The following MYO16 variants were observed in gnomAD, a reference collection of about 807,000 sequenced individuals.
The protein encoded by MYO16 is myosin XVI, also known as unconventional myosin-XVI.
MYO16 carries 94 observed loss-of-function variants against 205.3 expected under a neutral mutation model. The ratio of observed to expected loss-of-function variants is 0.46; its 90% CI spans 0.39 to 0.54. MYO16 has a LOEUF of 0.54. MYO16 is among the 20% of genes least tolerant of loss of function. The probability of loss-of-function intolerance (pLI) is 0.00; values close to 1 mark genes in which losing one functional copy is unlikely to be tolerated. For synonymous variants in MYO16, 988 were observed against 954.0 expected, an observed-to-expected ratio of 1.04 and a Z score of -0.66; for missense variants, 2,315 against 2,387.5, an observed-to-expected ratio of 0.97 and a Z score of 0.63.
At chr13:109,049,198 C>G (rs1887155707) in intron 24 of MYO16, among the ~76,000 whole-genome samples, 1 of 151,626 alleles carries the variant, frequency 6.6e-6, no homozygotes, top group Non-Finnish European at 1.5e-5. Context: ...AGGGACACTT[C>G]CGCTCTCAGT....
intron 31 of MYO16, among the ~76,000 whole-genome samples, chr13:109,128,080 C>G (rs1411278882): frequency 6.6e-6 from 1 of 152,202 alleles, no homozygotes; most frequent in African/African-American, 2.4e-5. Flanking sequence ...AGTTTCTTCT[C>G]AGCCAGATCT....
chr13:108,504,890 T>C, the MYO16 span, among the ~76,000 whole-genome samples: 1 of 152,220 alleles, frequency 6.6e-6, no homozygotes, highest in Non-Finnish European at 1.5e-5. Context: ...GTACTTCATG[T>C]AAGTGGAATA....
the MYO16 span, among the ~76,000 whole-genome samples, chr13:108,555,263 T>A: frequency 1.3e-5 from 2 of 152,312 alleles, no homozygotes; most frequent in South Asian, 4.1e-4. Context: ...ATGTGATAGA[T>A]CCCTGAAGGC....
intron 1 of MYO16, among the ~76,000 whole-genome samples, chr13:108,660,850 T>C (rs1471086514): frequency 6.6e-6 from 1 of 152,214 alleles, no homozygotes; most frequent in Non-Finnish European, 1.5e-5. Flanking sequence ...GTTTTGTTTT[T>C]TGTTTTTGCT....
In MYO16 at chr13:108,606,105, G is replaced by T. The variant is rs556898535; in HGVS notation, c.-39+9866G>T. 2.0e-4 allele frequency among the ~76,000 whole-genome samples: 30 copies of T among 152,218 alleles called. No homozygotes were observed. In the South Asian group the frequency reaches 6.2e-3, roughly 32 times the overall value. On this transcript the variant is annotated intron_variant, in intron 1 of 24. Coordinates refer to the MYO16 transcript ENST00000251041. The stretch of plus-strand genomic sequence containing the variant: ...GTGGAACTTGAACTTGAGAGAGATT[G>T]TCTGAAATTGGCACTTATGTTTAAA...
At chr13:109,009,927 C>T (rs1220630083) in intron 22 of MYO16, among the ~76,000 whole-genome samples, 1 of 152,126 alleles carries the variant, frequency 6.6e-6, no homozygotes, top group African/African-American at 2.4e-5. Context: ...GTCTTCAAAC[C>T]GGCAGGACTG....
At chr13:108,869,731 TAA>T (rs68025820) in intron 12 of MYO16, among the ~76,000 whole-genome samples, 939 of 66,890 alleles carry the variant, frequency 0.014, 22 homozygotes, top group East Asian at 0.096. Flanking sequence ...ACTCCGTTTC[TAA>T]AAAAAAAAAA....
At chr13:108,889,097 G>C (rs939808642) in intron 14 of MYO16, among the ~76,000 whole-genome samples, 10 of 152,156 alleles carry the variant, frequency 6.6e-5, no homozygotes, top group African/African-American at 2.4e-4. Context: ...GGTGTGTTAG[G>C]ACATTTTGGG....
intron 31 of MYO16, among the ~76,000 whole-genome samples, chr13:109,138,091 T>C (rs184736894): frequency 1.6e-4 from 25 of 152,348 alleles, no homozygotes; most frequent in African/African-American, 4.1e-4. Flanking sequence ...ACTGAATGAA[T>C]GAATAAAAGG....
chr13:108,616,362 G>T (rs950019293), intron 1 of MYO16, among the ~76,000 whole-genome samples: 3 of 152,072 alleles, frequency 2.0e-5, no homozygotes, highest in Non-Finnish European at 4.4e-5. Context: ...CTGAGTAAGC[G>T]CAATCCCCGG....
chr13:109,126,469 T>C (rs1196111087), intron 30 of MYO16, among the ~76,000 whole-genome samples: 2 of 152,200 alleles, frequency 1.3e-5, no homozygotes, highest in Admixed American at 1.3e-4. Flanking sequence ...CATGATTACG[T>C]TGACATGCGA....
At chr13:108,879,547 T>A (rs978249982) in intron 12 of MYO16, among the ~76,000 whole-genome samples, 12 of 152,102 alleles carry the variant, frequency 7.9e-5, no homozygotes, top group Non-Finnish European at 1.8e-4. Flanking sequence ...GTGTGTGATG[T>A]TCCCCACCCT....
chr13:109,076,774 A>G (rs984374917), intron 27 of MYO16, among the ~76,000 whole-genome samples: 1 of 152,056 alleles, frequency 6.6e-6, no homozygotes, highest in Non-Finnish European at 1.5e-5. Context: ...TGCAGTCTGG[A>G]TGAGTGCACA....
In MYO16 at chr13:108,902,299, G is replaced by A. The variant is rs190445528; in HGVS notation, c.1777+4166G>A. On this transcript the variant is annotated intron_variant, in intron 15 of 34. Transcript: ENST00000457511. ...ACCAGCTGGACCAGATAATTTTACA[G>A]ATGCTGCCTAGTGCTCAACATTGTT... Among the ~76,000 whole-genome samples the A allele has an allele frequency of 6.8e-4, 104 of 152,310 alleles. 2 individuals are homozygous for A. The highest frequency in any genetic ancestry group is 6.1e-3 in the Admixed American group (94 of 15,292).
intron 23 of MYO16, among the ~76,000 whole-genome samples, chr13:109,033,777 C>T (rs941562272): frequency 3.3e-5 from 5 of 152,110 alleles, no homozygotes; most frequent in Non-Finnish European, 5.9e-5. Context: ...ACCCCAGGAG[C>T]TGAGGGCAGG....
chr13:108,917,665 A>C (rs1370610887), intron 16 of MYO16, among the ~76,000 whole-genome samples: 1 of 152,264 alleles, frequency 6.6e-6, no homozygotes, highest in African/African-American at 2.4e-5. Flanking sequence ...AGGTTAAGAC[A>C]GCAGCATGAT....
chr13:108,607,104 A>G (rs9514869), intron 1 of MYO16, among the ~76,000 whole-genome samples: 56,028 of 152,056 alleles, frequency 0.37, 11,643 homozygotes, highest in Non-Finnish European at 0.47. Context: ...TCTAGGAAGT[A>G]ATTAACTTGC....
chr13:109,147,899 G>T (rs1261696421), intron 32 of MYO16, among the ~76,000 whole-genome samples: 1 of 152,140 alleles, frequency 6.6e-6, no homozygotes, highest in Non-Finnish European at 1.5e-5. Context: ...CCCCAGAGAA[G>T]GGGGGTCTCC....
At chr13:108,957,662 A>G (rs781508660) in intron 16 of MYO16, 26 bp from the exon 17 acceptor site, 3 of 1,517,762 alleles carry the variant, frequency 2.0e-6, no homozygotes, top group African/African-American at 1.4e-5. Flanking sequence ...CCAGGCGATA[A>G]CGTTACGTGC....
Sources: allele counts gnomAD v4.1 joint callset (sites outside exome capture counted in the v4.1 genomes callset), GRCh38; gene constraint gnomAD v4.1.1; transcripts MANE v1.5; gene names NCBI Gene and HGNC (gene_info 2026-07-23, HGNC 2026-07-21).